PLXDC1: variants seen among roughly 807,000 people sequenced by gnomAD.
PLXDC1 encodes plexin domain-containing protein 1.
In PLXDC1, 39 loss-of-function variants were observed where a neutral mutation model predicts 61.3. That is an observed-to-expected ratio of 0.64 (90% CI 0.49 to 0.83). PLXDC1 has a LOEUF of 0.83. PLXDC1 is among the 40% of genes least tolerant of loss of function. The pLI is 0.00. For synonymous variants in PLXDC1, 212 were observed against 254.5 expected, an observed-to-expected ratio of 0.83 and a Z score of 1.59; for missense variants, 596 against 666.5, an observed-to-expected ratio of 0.89 and a Z score of 1.17.
Position 39,108,757 on chromosome 17 carries a change from C to A in PLXDC1, c.469+147G>T, listed in dbSNP as rs570334395. The A allele has an allele frequency of 1.2e-5, 8 of 642,954 alleles. No individual in the cohort carries two copies. In the East Asian group the frequency reaches 1.4e-4, roughly 11 times the overall value. 39.8% of individuals were successfully genotyped at this position (642,954 alleles called of 1,614,324 possible). A position where few individuals can be genotyped will look rare whatever the true frequency, so the allele number is the denominator to read the frequency against. On this transcript the variant is annotated intron_variant, in intron 4 of 13. Transcript: ENST00000315392. The stretch of plus-strand genomic sequence containing the variant: ...GATGCTCTGACGTCCACTGACCCCC[C>A]TCCTGAGAATCAGACTCCTATTAGA...
chr17:39,125,710 T>C (rs1268281232), intron 2 of PLXDC1, among the ~76,000 whole-genome samples: 2 of 152,220 alleles, frequency 1.3e-5, no homozygotes, highest in African/African-American at 4.8e-5. Context: ...TCACATTTCA[T>C]GATATCAAAA....
intron 7 of PLXDC1, among the ~76,000 whole-genome samples, chr17:39,090,993 C>T (rs547183386): frequency 6.6e-6 from 1 of 152,324 alleles, no homozygotes; most frequent in East Asian, 1.9e-4. Flanking sequence ...GGCCTGACCG[C>T]GGTACTGTGC....
chr17:39,135,618 A>G (rs1432281019), intron 2 of PLXDC1, among the ~76,000 whole-genome samples: 5 of 151,580 alleles, frequency 3.3e-5, no homozygotes, highest in African/African-American at 9.7e-5. Flanking sequence ...CAGAGGCTTC[A>G]GTAAACCGAG....
At chr17:39,107,778 A>C (rs1598200050) in intron 5 of PLXDC1, 1 of 578,538 alleles carries the variant, frequency 1.7e-6, no homozygotes, top group South Asian at 2.1e-5. Context: ...CTTCTTGTCT[A>C]TTCTGACTCC....
chr17:39,128,171 A>ATG lies in PLXDC1; in HGVS notation c.255+11481_255+11482dup, dbSNP rs1292939496. On this transcript the variant is annotated intron_variant, in intron 2 of 13. Transcript: ENST00000315392. ...TATGTGTGTATATATATGTATATAT[A>ATG]TGTATATATATATGTGTGTATATAT... Among the ~76,000 whole-genome samples the ATG allele has an allele frequency of 3.2e-3, 376 of 118,404 alleles. 3 individuals are homozygous for ATG. The highest frequency in any genetic ancestry group is 0.01 in the African/African-American group (338 of 32,898). The allele number at this position is 118,404 out of a possible 152,430, so 77.7% of individuals were successfully genotyped here. A position where few individuals can be genotyped will look rare whatever the true frequency, so the allele number is the denominator to read the frequency against.
At position 39,142,472 on chromosome 17, in the gene PLXDC1, G is replaced by A. The variant is rs546807372; in HGVS notation, c.77-2640C>T. On this transcript the variant is annotated intron_variant, in intron 1 of 13. Coordinates refer to ENST00000315392, the MANE Select transcript of PLXDC1 (RefSeq NM_020405.5). ...GCGAACCTCCATTTCTGGAGGTTGC[G>A]AAATGGCTTTAGGTTCCATGATCTC... Among the ~76,000 whole-genome samples the A allele has an allele frequency of 3.3e-5, 5 of 152,328 alleles. No individual in the cohort carries two copies. The East Asian group carries it at 5.8e-4, about 18-fold the overall frequency.
chr17:39,075,369 G>A lies in PLXDC1; in HGVS notation c.1186+2544C>T, dbSNP rs139689529. On this transcript the variant is annotated intron_variant, in intron 11 of 13. Coordinates refer to ENST00000315392, the MANE Select transcript of PLXDC1 (RefSeq NM_020405.5). Reference sequence around the variant, plus strand: ...AGAGTAATGGGAGCTGTCGGAATCTGCCTCACTTTTTCACACTTTGCTACT... The same window carrying A: ...AGAGTAATGGGAGCTGTCGGAATCTACCTCACTTTTTCACACTTTGCTACT... Among the ~76,000 whole-genome samples the A allele has an allele frequency of 2.7e-3, 411 of 152,316 alleles. 6 individuals carry two copies. Among genetic ancestry groups the A allele is most frequent in the Admixed American group, 0.025 (378 of 15,296 alleles).
At chr17:39,118,109 CCTCTCTCTCTCTCAATCT>C (rs1911047680) in intron 2 of PLXDC1, among the ~76,000 whole-genome samples, 2 of 123,030 alleles carry the variant, frequency 1.6e-5, no homozygotes, top group Admixed American at 8.8e-5. Context: ...TTCCTTCCTT[CCTCTCTCTCTCTCAATCT>C]CTTCCTTCCT....
At chr17:39,131,243 A>AC (rs1804539040) in intron 2 of PLXDC1, among the ~76,000 whole-genome samples, 1 of 152,152 alleles carries the variant, frequency 6.6e-6, no homozygotes, top group African/African-American at 2.4e-5. Context: ...CAGGACCAAG[A>AC]TCGAGGGCCA....
At chr17:39,103,846 A>AG (rs1185925627) in intron 7 of PLXDC1, among the ~76,000 whole-genome samples, 1 of 15,816 alleles carries the variant, frequency 6.3e-5, no homozygotes, top group Non-Finnish European at 1.6e-4. Flanking sequence ...ACTCTGTCTC[A>AG]AAAAAAAAAA....
At chr17:39,102,650 T>C (rs1910460376) in intron 7 of PLXDC1, among the ~76,000 whole-genome samples, 1 of 151,534 alleles carries the variant, frequency 6.6e-6, no homozygotes, top group Middle Eastern at 3.2e-3. Context: ...GACAGAACAG[T>C]GGGCAGGATG....
rs959619770 is a variant in PLXDC1 at position 39,066,074 on chromosome 17, G to A, written c.*1766C>T. On this transcript the variant is annotated 3_prime_UTR_variant, in exon 14 of 14. Coordinates refer to ENST00000315392, the MANE Select transcript of PLXDC1 (RefSeq NM_020405.5). ...GAATCCACCTGCAGTTCCCTGCTAG[G>A]TATGTCTCAAGGAGCCCTCTAGCCA... The A allele has an allele frequency of 1.3e-5, 2 of 152,192 alleles. No homozygotes were observed. The highest frequency in any genetic ancestry group is 2.9e-5 in the Non-Finnish European group (2 of 68,050). The allele number at this position is 152,192 out of a possible 1,614,324, so 9.4% of individuals were successfully genotyped here. A position where few individuals can be genotyped will look rare whatever the true frequency, so the allele number is the denominator to read the frequency against.
At chr17:39,131,600 T>A (rs972254370) in intron 2 of PLXDC1, among the ~76,000 whole-genome samples, 4 of 151,830 alleles carry the variant, frequency 2.6e-5, no homozygotes, top group Admixed American at 2.6e-4. Flanking sequence ...TGATATGCCC[T>A]CCTTGGCCTC....
intron 7 of PLXDC1, among the ~76,000 whole-genome samples, chr17:39,094,702 G>A (rs1369478987): frequency 6.6e-6 from 1 of 152,186 alleles, no homozygotes; most frequent in Non-Finnish European, 1.5e-5. Context: ...ATGACTGTGA[G>A]TGAATGAATG....
At chr17:39,139,456 C>T (rs765994993) in intron 2 of PLXDC1, among the ~76,000 whole-genome samples, 198 bp downstream of exon 2, 6 of 152,170 alleles carry the variant, frequency 3.9e-5, no homozygotes, top group African/African-American at 7.2e-5. Context: ...GCCTATGAAA[C>T]GCTGAGATGC....
chr17:39,145,483 C>T (rs1369342995), intron 1 of PLXDC1, among the ~76,000 whole-genome samples: 1 of 152,190 alleles, frequency 6.6e-6, no homozygotes, highest in African/African-American at 2.4e-5. Flanking sequence ...GGTCAGCCTC[C>T]ACCCTTAATG....
At position 39,069,974 on chromosome 17, in the gene PLXDC1, AC is replaced by A; in HGVS notation, c.1264del (p.Val422CysfsTer49). On this transcript the variant is annotated frameshift_variant, in exon 13 of 14. Transcript: ENST00000315392. LOFTEE classifies it high-confidence loss of function. Reference protein sequence around the residue: ...NLSPKTKGTPVHLGTIVGIVL... With the variant: ...NLSPKTKGTPXHLGTIVGIVL... The stretch of plus-strand genomic sequence containing the variant: ...GATGCCCACGATGGTGCCCAGGTGC[AC>A]AGGAGTGCCCTTTGTCTTGGGGGAC... 1.9e-6 allele frequency: 3 copies of A among 1,613,964 alleles called. No homozygotes were observed. Among genetic ancestry groups the A allele is most frequent in the Non-Finnish European group, 2.5e-6 (3 of 1,179,820 alleles).
Position 39,067,563 on chromosome 17 carries a change from G to T in PLXDC1, c.*277C>A. On this transcript the variant is annotated 3_prime_UTR_variant, in exon 14 of 14. Transcript: ENST00000315392. ...TGGAGTTAGTTATGTTAGTTCTTCT[G>T]CTGTTTCATGGTTACAAGACACAGA... is the stretch of plus-strand genomic sequence containing the variant. 1 of 319,820 alleles carries T rather than the reference G, an allele frequency of 3.1e-6. No individual in the cohort carries two copies. Among genetic ancestry groups the T allele is most frequent in the Non-Finnish European group, 5.8e-6 (1 of 173,894 alleles). The allele number at this position is 319,820 out of a possible 1,614,324, so 19.8% of individuals were successfully genotyped here. A position where few individuals can be genotyped will look rare whatever the true frequency, so the allele number is the denominator to read the frequency against.
chr17:39,113,096 T>C (rs1910864693), intron 2 of PLXDC1: 1 of 152,080 alleles, frequency 6.6e-6, no homozygotes, highest in African/African-American at 2.4e-5. Flanking sequence ...AAGAGGGAGA[T>C]GTGGATACAG....
Sources: allele counts gnomAD v4.1 joint callset (sites outside exome capture counted in the v4.1 genomes callset), GRCh38; gene constraint gnomAD v4.1.1; transcripts MANE v1.5; gene names NCBI Gene and HGNC (gene_info 2026-07-23, HGNC 2026-07-21).